Variants in KIF20B observed in about 807,000 individuals in gnomAD.
KIF20B encodes the protein kinesin family member 20B.
KIF20B carries 188 observed loss-of-function variants against 232.5 expected under a neutral mutation model. That is an observed-to-expected ratio of 0.81 (90% CI 0.72 to 0.91). The LOEUF is 0.91. Among genes scored for constraint, KIF20B ranks in the 40% least tolerant of loss-of-function variants. The pLI, the probability that KIF20B is intolerant of heterozygous loss-of-function variation, is 0.00. For synonymous variants in KIF20B, 712 were observed against 683.0 expected, an observed-to-expected ratio of 1.04 and a Z score of -0.66; for missense variants, 2,154 against 2,055.9, an observed-to-expected ratio of 1.05 and a Z score of -0.92.
intron 21 of KIF20B, among the ~76,000 whole-genome samples, chr10:89,740,994 A>T (rs1841783399): frequency 6.6e-6 from 1 of 152,188 alleles, no homozygotes; most frequent in Non-Finnish European, 1.5e-5. Flanking sequence ...GGATGATTCA[A>T]ACACATTACA....
At chr10:89,718,894 C>A in intron 12 of KIF20B, 22 bp downstream of exon 12, 5 of 1,386,054 alleles carry the variant, frequency 3.6e-6, no homozygotes, top group Non-Finnish European at 3.9e-6. Flanking sequence ...TTTTATTAAG[C>A]CTCTTATTAT....
intron 13 of KIF20B, among the ~76,000 whole-genome samples, chr10:89,720,307 T>C (rs1435455464): frequency 6.6e-6 from 1 of 152,206 alleles, no homozygotes; most frequent in Non-Finnish European, 1.5e-5. Context: ...TCTTCATGAT[T>C]TAGGTTTAAT....
At chr10:89,705,180 C>T in intron 1 of KIF20B, 114 bp from the exon 2 acceptor site, 2 of 840,406 alleles carry the variant, frequency 2.4e-6, no homozygotes, top group African/African-American at 1.7e-5. Context: ...TAATGCGTTT[C>T]TTTTCTAAAA....
chr10:89,744,394 G>A (rs2133138912), intron 22 of KIF20B, among the ~76,000 whole-genome samples: 1 of 152,236 alleles, frequency 6.6e-6, no homozygotes, highest in South Asian at 2.1e-4. Context: ...TAAAGTGTCA[G>A]GGTCATTAAA....
Position 89,774,053 on chromosome 10 carries a change from CT to C in KIF20B, c.*7del. On this transcript the variant is annotated 3_prime_UTR_variant, in exon 33 of 33. Transcript: ENST00000371728. ...CGAACAAAAACAGCCAAATAAATCA[CT>C]TATGGAAATGTTTAATATAAATTTT... 1 of 1,551,108 alleles carries C rather than the reference CT, an allele frequency of 6.4e-7. No individual in the cohort carries two copies. The highest frequency in any genetic ancestry group is 8.8e-7 in the Non-Finnish European group (1 of 1,137,806).
intron 13 of KIF20B, among the ~76,000 whole-genome samples, chr10:89,723,414 G>A (rs1401379283): frequency 6.6e-6 from 1 of 152,150 alleles, no homozygotes; most frequent in Non-Finnish European, 1.5e-5. Context: ...AATTGCTGTT[G>A]ACATCTGGAT....
chr10:89,750,870 G>T (rs754361939), intron 23 of KIF20B, among the ~76,000 whole-genome samples: 2 of 152,026 alleles, frequency 1.3e-5, no homozygotes, highest in South Asian at 2.1e-4. Context: ...TCTAGAAAAA[G>T]TAACTACTTG....
At chr10:89,736,237 G>A (rs748156327) in intron 19 of KIF20B, among the ~76,000 whole-genome samples, 6 of 152,100 alleles carry the variant, frequency 3.9e-5, no homozygotes, top group Admixed American at 1.3e-4. Flanking sequence ...GTAAGGTTTC[G>A]AGGATCTGAG....
chr10:89,718,359 AAATT>A (rs1232320735), intron 11 of KIF20B, among the ~76,000 whole-genome samples: 1 of 151,986 alleles, frequency 6.6e-6, no homozygotes, highest in East Asian at 1.9e-4. Flanking sequence ...AAAAATAAAA[AAATT>A]AACCAGGTGT....
At chr10:89,749,169 C>T (rs973800607) in intron 23 of KIF20B, among the ~76,000 whole-genome samples, 1 of 151,974 alleles carries the variant, frequency 6.6e-6, no homozygotes, top group Non-Finnish European at 1.5e-5. Flanking sequence ...ATTAAGATGT[C>T]GTTATCTTTT....
At chr10:89,704,014 G>A (rs1425180931) in intron 1 of KIF20B, among the ~76,000 whole-genome samples, 1 of 152,188 alleles carries the variant, frequency 6.6e-6, no homozygotes, top group Non-Finnish European at 1.5e-5. Context: ...GCCTCCCAAA[G>A]TGCTGGGATT....
chr10:89,743,310 A>G (rs1047250541), intron 21 of KIF20B, among the ~76,000 whole-genome samples: 2 of 152,242 alleles, frequency 1.3e-5, no homozygotes, highest in Non-Finnish European at 2.9e-5. Context: ...ATTACCGGCA[A>G]CAGCAGAAAT....
rs35663373 is a variant in KIF20B, at chr10:89,738,973, C to T, written c.3792C>T (p.Leu1264=). ...TGTTTTTTAGATTGAAAGAGGAACT[C>T]TCTGCAAGCTCTGCTCGTACCCAGA... ...RQETEKLKEE[L]SASSARTQNL... Residue 1264 remains leucine, a synonymous_variant, in exon 21 of 33, where the codon CTC becomes CTT. Transcript: ENST00000371728. 1.7e-3 allele frequency: 2,664 copies of T among 1,611,238 alleles called. 40 individuals are homozygous for T. The African/African-American group carries it at 0.03, about 18-fold the overall frequency.
intron 18 of KIF20B, among the ~76,000 whole-genome samples, chr10:89,732,323 G>A (rs1203561345): frequency 6.6e-6 from 1 of 151,998 alleles, no homozygotes; most frequent in Non-Finnish European, 1.5e-5. Context: ...GGTTCTCACT[G>A]TGTGGCCCAG....
intron 6 of KIF20B, among the ~76,000 whole-genome samples, chr10:89,711,706 C>G (rs922203160): frequency 2.6e-5 from 4 of 151,736 alleles, no homozygotes; most frequent in Non-Finnish European, 4.4e-5. Context: ...AAAAAGAGAT[C>G]TTACTATGCT....
chr10:89,773,516 T>G (rs1245352385), intron 32 of KIF20B, among the ~76,000 whole-genome samples: 2 of 152,030 alleles, frequency 1.3e-5, no homozygotes, highest in African/African-American at 4.8e-5. Flanking sequence ...GGGCATGGTG[T>G]TGTAAGTACC....
In KIF20B at chr10:89,717,504, A is replaced by G. The variant is rs1479444616; in HGVS notation, c.1124+9A>G. On this transcript the variant is annotated intron_variant, in intron 10 of 32. Transcript: ENST00000371728. ...GTAATTCGAGTCAGTGAGTAAGTTG[A>G]ATATTCTTTAAATTTAATTATTTGT... 7 of 1,588,782 alleles carry G rather than the reference A, an allele frequency of 4.4e-6. No individual in the cohort carries two copies. The highest frequency in any genetic ancestry group is 4.3e-6 in the Non-Finnish European group (5 of 1,162,750).
At chr10:89,710,320 C>T (rs554896577) in intron 5 of KIF20B, among the ~76,000 whole-genome samples, 23 of 150,526 alleles carry the variant, frequency 1.5e-4, no homozygotes, top group Non-Finnish European at 3.1e-4. Context: ...CTCCTGGGTT[C>T]AGATGACTCT....
chr10:89,711,726 A>G (rs924608166), intron 6 of KIF20B, among the ~76,000 whole-genome samples: 2 of 151,996 alleles, frequency 1.3e-5, no homozygotes, highest in African/African-American at 4.8e-5. Flanking sequence ...TTACCATTCT[A>G]TGACTTGGTA....
Sources: gnomAD v4.1 joint callset for allele counts (sites outside exome capture counted in the v4.1 genomes callset) on GRCh38, gnomAD v4.1.1 for gene constraint, MANE v1.5 for transcripts, NCBI Gene and HGNC (gene_info 2026-07-23, HGNC 2026-07-21) for gene names.